Variants in ADAMTSL1 observed in about 807,000 individuals in gnomAD.
The protein encoded by ADAMTSL1 is ADAMTS like 1.
Under a neutral mutation model 201.8 loss-of-function variants are expected in ADAMTSL1, and 126 were observed. The ratio of observed to expected loss-of-function variants is 0.62; its 90% CI spans 0.54 to 0.72. The LOEUF is 0.72. Ranked by LOEUF, ADAMTSL1 falls within the 30% of genes least tolerant of loss-of-function variation. The probability of loss-of-function intolerance (pLI) is 0.00; values close to 1 mark genes in which losing one functional copy is unlikely to be tolerated. For missense variants in ADAMTSL1, 2,679 were observed against 2,277.8 expected, an observed-to-expected ratio of 1.18 and a Z score of -3.59; for synonymous variants, 1,121 against 903.4, an observed-to-expected ratio of 1.24 and a Z score of -4.32.
At chr9:18,388,837 A>C (rs1587046777) in intron 2 of ADAMTSL1, among the ~76,000 whole-genome samples, 1 of 151,102 alleles carries the variant, frequency 6.6e-6, no homozygotes, top group Non-Finnish European at 1.5e-5. Context: ...GCTCACTGCA[A>C]CCTCCGCCTC....
At chr9:18,648,132 C>T (rs908572743) in intron 7 of ADAMTSL1, among the ~76,000 whole-genome samples, 74 of 143,136 alleles carry the variant, frequency 5.2e-4, no homozygotes, top group Admixed American at 2.0e-3. Context: ...ATCCCTTTAC[C>T]ATTATGTAAT....
intron 1 of ADAMTSL1, among the ~76,000 whole-genome samples, chr9:18,047,386 G>T (rs1821710258): frequency 6.6e-6 from 1 of 152,120 alleles, no homozygotes; most frequent in Non-Finnish European, 1.5e-5. Flanking sequence ...ATGGGTAAAG[G>T]ACAGGTATAC....
At chr9:18,186,238 C>T (rs1828729414) in intron 2 of ADAMTSL1, among the ~76,000 whole-genome samples, 1 of 152,100 alleles carries the variant, frequency 6.6e-6, no homozygotes. Context: ...AGGAAGAGAT[C>T]TTCTTGGTCT....
chr9:18,230,824 A>G (rs1354080378), intron 2 of ADAMTSL1, among the ~76,000 whole-genome samples: 1 of 152,200 alleles, frequency 6.6e-6, no homozygotes, highest in Non-Finnish European at 1.5e-5. Flanking sequence ...ACCAGATGTT[A>G]AAATTACATC....
At chr9:17,935,165 C>T (rs936284669) in intron 1 of ADAMTSL1, among the ~76,000 whole-genome samples, 2 of 152,072 alleles carry the variant, frequency 1.3e-5, no homozygotes, top group African/African-American at 4.8e-5. Context: ...AGCTCTCCAT[C>T]CTCATTTCAC....
intron 16 of ADAMTSL1, among the ~76,000 whole-genome samples, chr9:18,754,521 C>A (rs1210729633): frequency 6.6e-6 from 1 of 152,040 alleles, no homozygotes; most frequent in Non-Finnish European, 1.5e-5. Flanking sequence ...CAAAAGTGTC[C>A]CAATTTGGGT....
At chr9:18,321,717 C>T (rs6475212) in intron 2 of ADAMTSL1, among the ~76,000 whole-genome samples, 3,231 of 151,608 alleles carry the variant, frequency 0.021, 72 homozygotes, top group African/African-American at 0.059. Flanking sequence ...GACGTGAACC[C>T]GGGAGGCGGA....
intron 2 of ADAMTSL1, among the ~76,000 whole-genome samples, chr9:18,283,593 G>A (rs1676654938): frequency 8.9e-6 from 1 of 112,202 alleles, no homozygotes; most frequent in Admixed American, 1.2e-4. Flanking sequence ...TTGAAGGAAT[G>A]AGAAACTGTA....
rs191288698 is a variant in ADAMTSL1, at chr9:18,175,150, A to G, written c.207+11169A>G. ...TTGTTGGGTTGAAGCTTCATTTCCAACTGGCTGTGAGACTTTAGGCAAGTC... is the reference window on the plus strand; with the variant it reads ...TTGTTGGGTTGAAGCTTCATTTCCAGCTGGCTGTGAGACTTTAGGCAAGTC... On this transcript the variant is annotated intron_variant, in intron 2 of 29. Coordinates refer to the ADAMTSL1 transcript ENST00000680146. 2.5e-3 allele frequency among the ~76,000 whole-genome samples: 378 copies of G among 152,244 alleles called. 3 individuals carry two copies. The highest frequency in any genetic ancestry group is 8.9e-3 in the African/African-American group (369 of 41,556).
chr9:18,365,509 T>G (rs145717635), intron 2 of ADAMTSL1, among the ~76,000 whole-genome samples: 59 of 152,316 alleles, frequency 3.9e-4, no homozygotes, highest in African/African-American at 1.4e-3. Context: ...TTTTTAAAAC[T>G]TTATTCAGAC....
chr9:18,155,613 T>C (rs1827118364), intron 1 of ADAMTSL1, among the ~76,000 whole-genome samples: 1 of 152,048 alleles, frequency 6.6e-6, no homozygotes, highest in African/African-American at 2.4e-5. Context: ...TATGTATGCC[T>C]CAAGACAATT....
Position 18,509,225 on chromosome 9 carries a change from A to G in ADAMTSL1, c.191+4269A>G, listed in dbSNP as rs944288500. Among the ~76,000 whole-genome samples, 16 of 147,690 alleles carry G rather than the reference A, an allele frequency of 1.1e-4. 4 individuals carry two copies. Among genetic ancestry groups the G allele is most frequent in the Non-Finnish European group, 9.0e-5 (6 of 66,716 alleles). On this transcript the variant is annotated intron_variant, in intron 2 of 28. Transcript: ENST00000380548. ...AAAAAAAAAAAAAAAAAAAAAAAAA[A>G]AAAAAAAGAAATAGATATGTTCTGG...
intron 1 of ADAMTSL1, among the ~76,000 whole-genome samples, chr9:17,950,138 C>A (rs1827677313): frequency 6.6e-6 from 1 of 152,034 alleles, no homozygotes; most frequent in Non-Finnish European, 1.5e-5. Flanking sequence ...AACTCCTGGA[C>A]TCAGGTGATC....
At chr9:18,591,706 A>G (rs1009599260) in intron 4 of ADAMTSL1, among the ~76,000 whole-genome samples, 1 of 152,172 alleles carries the variant, frequency 6.6e-6, no homozygotes, top group Non-Finnish European at 1.5e-5. Flanking sequence ...CTAGGCTCAA[A>G]CACATCTTTA....
At chr9:18,838,706 T>C (rs939196498) in intron 23 of ADAMTSL1, among the ~76,000 whole-genome samples, 5 of 151,680 alleles carry the variant, frequency 3.3e-5, no homozygotes, top group Non-Finnish European at 7.4e-5. Flanking sequence ...GGTGCAGGCC[T>C]GTAGTCCAAG....
At chr9:18,603,178 C>A (rs1452310632) in intron 4 of ADAMTSL1, among the ~76,000 whole-genome samples, 1 of 136,732 alleles carries the variant, frequency 7.3e-6, no homozygotes, top group East Asian at 2.3e-4. Flanking sequence ...GCTTTCTATT[C>A]CTTTGTTGAA....
At chr9:18,734,187 C>T (rs866409080) in intron 15 of ADAMTSL1, among the ~76,000 whole-genome samples, 9 of 152,232 alleles carry the variant, frequency 5.9e-5, no homozygotes, top group Admixed American at 2.6e-4. Flanking sequence ...CACAGTGCCT[C>T]GCTCATACTA....
At chr9:18,276,070 C>G (rs1587449522) in intron 2 of ADAMTSL1, among the ~76,000 whole-genome samples, 1 of 152,026 alleles carries the variant, frequency 6.6e-6, no homozygotes, top group Non-Finnish European at 1.5e-5. Flanking sequence ...GTTTAGCCAC[C>G]AAAAGTCTTT....
At chr9:18,817,080 T>A in intron 20 of ADAMTSL1, 29 bp from the exon 21 acceptor site, 1 of 1,605,850 alleles carries the variant, frequency 6.2e-7, no homozygotes, top group African/African-American at 1.3e-5. Context: ...CACCACCAAG[T>A]AACATCTCAT....
Sources: gnomAD v4.1 joint callset for allele counts (sites outside exome capture counted in the v4.1 genomes callset) on GRCh38, gnomAD v4.1.1 for gene constraint, MANE v1.5 for transcripts, NCBI Gene and HGNC (gene_info 2026-07-23, HGNC 2026-07-21) for gene names.